The following PTPRN2 variants were observed in gnomAD, a reference collection of about 807,000 sequenced individuals.
The protein encoded by PTPRN2 is receptor-type tyrosine-protein phosphatase N2.
A neutral mutation model predicts 118.8 loss-of-function variants in PTPRN2; 74 were observed. The ratio of observed to expected loss-of-function variants is 0.62; its 90% confidence interval spans 0.52 to 0.76. The LOEUF (loss-of-function observed/expected upper bound fraction) is 0.76, where lower values mean the gene tolerates loss of function less well. Among genes scored for constraint, PTPRN2 ranks in the 30% least tolerant of loss-of-function variants. The probability of loss-of-function intolerance (pLI) is 0.00; values close to 1 mark genes in which losing one functional copy is unlikely to be tolerated. For synonymous variants in PTPRN2, 641 were observed against 608.0 expected (o/e 1.05, Z -0.80); for missense variants, 1,481 against 1,394.4 (o/e 1.06, Z -0.99).
At chr7:158,537,635 A>G (rs1825725621) in intron 1 of PTPRN2, 1 of 152,504 alleles carries the variant, frequency 6.6e-6, no homozygotes, top group Admixed American at 6.5e-5. Context: ...ACAGAGGTCA[A>G]AGGACCCACA....
intron 12 of PTPRN2, among the ~76,000 whole-genome samples, chr7:157,895,207 T>C (rs1202054203): frequency 6.6e-6 from 1 of 150,430 alleles, no homozygotes; most frequent in African/African-American, 2.5e-5. Context: ...GACCATAAAA[T>C]AAGCCAGAGG....
At chr7:157,771,931 CACAGACACAT>C (rs756312930) in intron 12 of PTPRN2, among the ~76,000 whole-genome samples, 8,698 of 150,504 alleles carry the variant, frequency 0.058, 277 homozygotes, top group Middle Eastern at 0.075. Context: ...CAGAGACACA[CACAGACACAT>C]ACAAAGACAC....
At chr7:157,930,068 G>A (rs530637279) in intron 11 of PTPRN2, among the ~76,000 whole-genome samples, 1 of 152,260 alleles carries the variant, frequency 6.6e-6, no homozygotes, top group African/African-American at 2.4e-5. Context: ...CTGTTTTTCG[G>A]AGCCTGTTGA....
intron 12 of PTPRN2, among the ~76,000 whole-genome samples, chr7:157,747,354 G>C (rs1585364999): frequency 2.8e-5 from 4 of 144,456 alleles, no homozygotes; most frequent in East Asian, 2.2e-4. Flanking sequence ...GGGGTGTCCG[G>C]GTGATTCTGA....
At chr7:158,461,330 C>T (rs1818967185) in intron 2 of PTPRN2, among the ~76,000 whole-genome samples, 1 of 152,052 alleles carries the variant, frequency 6.6e-6, no homozygotes, top group Non-Finnish European at 1.5e-5. Context: ...CCCGTCTCTA[C>T]TAAAAATACA....
chr7:157,636,099 T>G (rs1265372444), intron 14 of PTPRN2, among the ~76,000 whole-genome samples: 3 of 152,214 alleles, frequency 2.0e-5, no homozygotes, highest in African/African-American at 7.2e-5. Flanking sequence ...TAGCTGCTAA[T>G]CCCCTTTCAT....
chr7:157,541,966 G>A (rs1798034515), intron 22 of PTPRN2, among the ~76,000 whole-genome samples: 1 of 152,228 alleles, frequency 6.6e-6, no homozygotes, highest in Non-Finnish European at 1.5e-5. Flanking sequence ...CGGCCTCTTA[G>A]TGTACGTGTT....
At chr7:158,298,375 C>T (rs956169283) in intron 3 of PTPRN2, among the ~76,000 whole-genome samples, 6 of 152,104 alleles carry the variant, frequency 3.9e-5, no homozygotes, top group African/African-American at 1.4e-4. Flanking sequence ...ATGTTTGGGA[C>T]TAGAAGTGCT....
At chr7:158,031,466 C>G (rs1327770925) in intron 11 of PTPRN2, among the ~76,000 whole-genome samples, 1 of 152,160 alleles carries the variant, frequency 6.6e-6, no homozygotes, top group East Asian at 1.9e-4. Context: ...TATGTTTGTG[C>G]CAAATTCCGT....
At chr7:158,079,388 G>T (rs1348714279) in intron 11 of PTPRN2, among the ~76,000 whole-genome samples, 1 of 152,108 alleles carries the variant, frequency 6.6e-6, no homozygotes, top group Non-Finnish European at 1.5e-5. Context: ...CCTTGGTGCA[G>T]CACTTCGATA....
At chr7:157,837,320 C>T (rs1808041988) in intron 12 of PTPRN2, among the ~76,000 whole-genome samples, 1 of 135,570 alleles carries the variant, frequency 7.4e-6, no homozygotes, top group Non-Finnish European at 1.6e-5. Flanking sequence ...TCGACACGTC[C>T]CTCCATCTAC....
chr7:157,665,989 T>C (rs1796117684), intron 13 of PTPRN2, among the ~76,000 whole-genome samples: 1 of 152,164 alleles, frequency 6.6e-6, no homozygotes, highest in African/African-American at 2.4e-5. Context: ...TGTCAGGGGC[T>C]GGGGGCCAGG....
chr7:158,269,202 G>C (rs527837801), intron 3 of PTPRN2, among the ~76,000 whole-genome samples: 62 of 152,038 alleles, frequency 4.1e-4, no homozygotes, highest in African/African-American at 1.4e-3. Flanking sequence ...GCCCCTGCCC[G>C]ACCCCGCCCC....
intron 2 of PTPRN2, among the ~76,000 whole-genome samples, chr7:158,337,053 T>G (rs1805724142): frequency 7.9e-6 from 1 of 126,112 alleles, no homozygotes; most frequent in Non-Finnish European, 1.7e-5. Context: ...ACACCCACAC[T>G]GTCACCATAA....
chr7:158,004,007 G>A (rs1028050719), intron 11 of PTPRN2, among the ~76,000 whole-genome samples: 3 of 152,182 alleles, frequency 2.0e-5, no homozygotes, highest in Non-Finnish European at 4.4e-5. Context: ...ATTTCACTGA[G>A]TTCCAGAAGA....
At chr7:158,249,653 C>T (rs528872898) in intron 3 of PTPRN2, among the ~76,000 whole-genome samples, 63 of 152,328 alleles carry the variant, frequency 4.1e-4, no homozygotes, top group African/African-American at 1.4e-3. Flanking sequence ...GACGTCTATG[C>T]AGCCAATAAA....
chr7:158,229,683 C>T (rs1243020320), intron 3 of PTPRN2, among the ~76,000 whole-genome samples: 3 of 151,542 alleles, frequency 2.0e-5, no homozygotes, highest in Non-Finnish European at 2.9e-5. Flanking sequence ...TTTGAAAATA[C>T]ACAATCAGGG....
rs921941527 is a variant in PTPRN2 at position 157,783,030 on chromosome 7, A to C, written c.1789-100093T>G. ...GTGGATACCCCATGCTGTTCTCATG[A>C]TAGTGACCGAGTTCTCACAAGATCT... On this transcript the variant is annotated intron_variant, in intron 12 of 22. Transcript: ENST00000389418. 2.0e-5 allele frequency among the ~76,000 whole-genome samples: 3 copies of C among 152,118 alleles called. 1 individual carries two copies. Among genetic ancestry groups the C allele is most frequent in the South Asian group, 4.1e-4 (2 of 4,820 alleles).
chr7:157,993,038 C>T (rs527792792), intron 11 of PTPRN2, among the ~76,000 whole-genome samples: 3 of 152,188 alleles, frequency 2.0e-5, no homozygotes, highest in Admixed American at 6.5e-5. Context: ...ACGGGGTCTG[C>T]CCAGGTCACA....
Sources: allele counts gnomAD v4.1 joint callset (sites outside exome capture counted in the v4.1 genomes callset), GRCh38; gene constraint gnomAD v4.1.1; transcripts MANE v1.5; gene names NCBI Gene and HGNC (gene_info 2026-07-23, HGNC 2026-07-21).